NCAM1: variants seen among roughly 807,000 people sequenced by gnomAD.
The protein encoded by NCAM1 is antigen recognized by monoclonal antibody 5.1H11.
A neutral mutation model predicts 109.8 loss-of-function variants in NCAM1; 14 were observed. The ratio of observed to expected loss-of-function variants is 0.13; its 90% CI spans 0.08 to 0.20. The LOEUF (loss-of-function observed/expected upper bound fraction) is 0.20, where lower values mean the gene tolerates loss of function less well. NCAM1 is among the 10% of genes least tolerant of loss of function. The pLI, the probability that NCAM1 is intolerant of heterozygous loss-of-function variation, is 1.00. For synonymous variants in NCAM1, 418 were observed against 442.9 expected (o/e 0.94, Z 0.70); for missense variants, 774 against 1,109.9 (o/e 0.70, Z 4.30).
chr11:113,022,733 G>A (rs1952428289), intron 1 of NCAM1, among the ~76,000 whole-genome samples: 1 of 152,276 alleles, frequency 6.6e-6, no homozygotes, highest in East Asian at 1.9e-4. Context: ...TAGGTAGGTA[G>A]GTAGTCCAGG....
At chr11:113,219,458 G>C (rs677642) in intron 8 of NCAM1, among the ~76,000 whole-genome samples, 59,083 of 152,138 alleles carry the variant, frequency 0.39, 12,383 homozygotes, top group African/African-American at 0.54. Flanking sequence ...TTGTGTGTAA[G>C]ACAATAAAAT....
chr11:113,141,648 AAAACAAAC>A (rs1235541902), intron 1 of NCAM1, among the ~76,000 whole-genome samples: 1 of 152,160 alleles, frequency 6.6e-6, no homozygotes, highest in Non-Finnish European at 1.5e-5. Flanking sequence ...ACTCCGTCTC[AAAACAAAC>A]AAACAAACAA....
chr11:112,998,521 C>G lies in NCAM1; in HGVS notation c.52+36857C>G, dbSNP rs961979874. Among the ~76,000 whole-genome samples the G allele has an allele frequency of 2.0e-5, 3 of 152,074 alleles. No homozygotes were observed. The East Asian group carries it at 5.8e-4, about 29-fold the overall frequency. On this transcript the variant is annotated intron_variant, in intron 1 of 19. Transcript: ENST00000316851. ...AGGAAAAAAAAATCCTAGGTGTAAG[C>G]GTAGTCCCTGATCTCTAATTCTCCA... is the stretch of plus-strand genomic sequence containing the variant.
At chr11:113,243,539 T>G (rs782626704) in intron 14 of NCAM1, 1 of 518,406 alleles carries the variant, frequency 1.9e-6, no homozygotes, top group Admixed American at 1.9e-5. Context: ...TGTATCCTCT[T>G]TTTTCATCGT....
chr11:113,177,844 TG>T (rs747708329), intron 1 of NCAM1, among the ~76,000 whole-genome samples: 1 of 152,198 alleles, frequency 6.6e-6, no homozygotes, highest in Non-Finnish European at 1.5e-5. Flanking sequence ...ACTCCGTTTC[TG>T]CTTTCTCTCT....
chr11:113,264,366 G>A (rs1289627721), intron 17 of NCAM1: 7 of 985,284 alleles, frequency 7.1e-6, no homozygotes, highest in African/African-American at 3.5e-5. Context: ...AATCCCCAGC[G>A]CTCAGTTTAG....
intron 1 of NCAM1, among the ~76,000 whole-genome samples, chr11:112,966,843 G>T (rs181132876): frequency 1.3e-5 from 2 of 152,290 alleles, no homozygotes; most frequent in Non-Finnish European, 2.9e-5. Context: ...TGAGTTAACG[G>T]ATTTTCAGTT....
chr11:113,089,948 A>G (rs1157258460), intron 1 of NCAM1, among the ~76,000 whole-genome samples: 1 of 152,192 alleles, frequency 6.6e-6, no homozygotes, highest in East Asian at 1.9e-4. Context: ...CTATTACAGG[A>G]GAAAGAAATT....
intron 1 of NCAM1, among the ~76,000 whole-genome samples, chr11:112,998,867 T>G (rs1555071918): frequency 6.6e-6 from 1 of 152,206 alleles, no homozygotes; most frequent in East Asian, 1.9e-4. Context: ...TTTTGAACTT[T>G]TGGATTCTGC....
intron 9 of NCAM1, among the ~76,000 whole-genome samples, chr11:113,227,474 C>T (rs1944885845): frequency 6.6e-6 from 1 of 152,094 alleles, no homozygotes; most frequent in Non-Finnish European, 1.5e-5. Context: ...CAGGACCAGA[C>T]AGATTCACAG....
chr11:113,019,613 A>C (rs2135221873), intron 1 of NCAM1, among the ~76,000 whole-genome samples: 1 of 152,244 alleles, frequency 6.6e-6, no homozygotes, highest in Middle Eastern at 3.4e-3. Context: ...CATCTCTGCC[A>C]CTTCTGTGGT....
intron 1 of NCAM1, among the ~76,000 whole-genome samples, chr11:113,157,101 C>T (rs1181341452): frequency 6.6e-6 from 1 of 151,078 alleles, no homozygotes; most frequent in Non-Finnish European, 1.5e-5. Context: ...TAGAGAGAAG[C>T]AATGAAGACT....
intron 1 of NCAM1, among the ~76,000 whole-genome samples, chr11:113,052,333 C>T (rs1262186650): frequency 1.3e-5 from 2 of 152,130 alleles, no homozygotes; most frequent in South Asian, 2.1e-4. Context: ...TTTGAAGAAC[C>T]CTTGAGCTGT....
chr11:113,126,487 C>A (rs1286962188), intron 1 of NCAM1, among the ~76,000 whole-genome samples: 1 of 152,162 alleles, frequency 6.6e-6, no homozygotes, highest in Non-Finnish European at 1.5e-5. Context: ...GAAACAGACT[C>A]AGATGTGTTT....
Position 113,051,581 on chromosome 11 carries a change from T to C in NCAM1, c.52+89917T>C, listed in dbSNP as rs1010882956. Among the ~76,000 whole-genome samples, 4 of 152,336 alleles carry C rather than the reference T, an allele frequency of 2.6e-5. No individual in the cohort carries two copies. The South Asian group carries it at 8.3e-4, about 32-fold the overall frequency. ...GGTGTCTATCCTTCACGTCTTTTGT[T>C]TATGTACAAACATATATACTTTATA... is the stretch of plus-strand genomic sequence containing the variant. On this transcript the variant is annotated intron_variant, in intron 1 of 19. Transcript: ENST00000316851.
intron 1 of NCAM1, among the ~76,000 whole-genome samples, chr11:113,002,852 T>G (rs1400420422): frequency 6.6e-6 from 1 of 152,234 alleles, no homozygotes; most frequent in Non-Finnish European, 1.5e-5. Flanking sequence ...GGATTCTGCT[T>G]TATGATATTT....
intron 14 of NCAM1, among the ~76,000 whole-genome samples, chr11:113,236,078 G>A (rs1945159272): frequency 6.6e-6 from 1 of 152,306 alleles, no homozygotes; most frequent in South Asian, 2.1e-4. Flanking sequence ...GGCCTGCAAA[G>A]GGACCCACTG....
chr11:113,185,068 T>TTTTA (rs1555108651), intron 1 of NCAM1, among the ~76,000 whole-genome samples: 3 of 99,638 alleles, frequency 3.0e-5, no homozygotes, highest in Non-Finnish European at 5.8e-5. Context: ...GCATTTATAT[T>TTTTA]TATATATATA....
chr11:113,000,024 G>A (rs757899802), intron 1 of NCAM1, among the ~76,000 whole-genome samples: 14 of 152,140 alleles, frequency 9.2e-5, no homozygotes, highest in Non-Finnish European at 1.5e-4. Context: ...ATAAATAACA[G>A]GCATTGTTAC....
Sources: allele counts gnomAD v4.1 joint callset (sites outside exome capture counted in the v4.1 genomes callset), GRCh38; gene constraint gnomAD v4.1.1; transcripts MANE v1.5; gene names NCBI Gene and HGNC (gene_info 2026-07-23, HGNC 2026-07-21).